The following MBD3 variants were observed in gnomAD, a reference collection of about 807,000 sequenced individuals.
MBD3 encodes methyl-CpG-binding domain protein 3.
In MBD3, 13 loss-of-function variants were observed where a neutral mutation model predicts 31.2. The ratio of observed to expected loss-of-function variants is 0.42; its 90% CI spans 0.27 to 0.66. The LOEUF is 0.66. Among genes scored for constraint, MBD3 ranks in the 30% least tolerant of loss-of-function variants. The probability of loss-of-function intolerance (pLI) is 0.26; values close to 1 mark genes in which losing one functional copy is unlikely to be tolerated. For missense variants in MBD3, 440 were observed against 426.5 expected, an observed-to-expected ratio of 1.03 and a Z score of -0.28; for synonymous variants, 223 against 187.4, an observed-to-expected ratio of 1.19 and a Z score of -1.55.
rs1323902098 is a variant in MBD3 at position 1,585,056 on chromosome 19, T to G, written c.269A>C (p.Lys90Thr). 1 of 1,611,548 alleles carries G rather than the reference T, an allele frequency of 6.2e-7. No homozygotes were observed. The highest frequency in any genetic ancestry group is 1.1e-5 in the South Asian group (1 of 91,066). The part of the protein sequence containing the change: ...RVRYDSSNQV[K>T]GKPDLNTALP... The stretch of plus-strand genomic sequence containing the variant: ...CACCTGCGTGACGCCACCACTCACC[T>G]TGACCTGGTTGGAGGAGTCGTAGCG... Residue 90 changes from lysine to threonine, a missense_variant and splice_region_variant, in exon 2 of 7, where the codon AAG (lysine) becomes ACG (threonine). Transcript: ENST00000434436. The surrounding 1 kb of genome is among the most constrained non-coding windows in gnomAD (Gnocchi z 4.1).
chr19:1,576,637 A>C lies in MBD3; in HGVS notation c.*1527T>G, dbSNP rs1917198321. 6.6e-6 allele frequency: 1 copy of C among 152,288 alleles called. No individual in the cohort carries two copies. The highest frequency in any genetic ancestry group is 2.4e-5 in the African/African-American group (1 of 41,450). The allele number at this position is 152,288 out of a possible 1,614,324, so 9.4% of individuals were successfully genotyped here. On this transcript the variant is annotated 3_prime_UTR_variant, in exon 7 of 7. Coordinates refer to ENST00000434436, the MANE Select transcript of MBD3 (RefSeq NM_001281453.2). The stretch of plus-strand genomic sequence containing the variant: ...CACCCAACCAAAGACAGAAGCTCAA[A>C]CGTGGGCACCAAAGTCTAGCGGACG...
chr19:1,584,458 C>T, intron 3 of MBD3, 82 bp downstream of exon 3: 2 of 1,584,240 alleles, frequency 1.3e-6, no homozygotes. Flanking sequence ...GTCCGCTCCA[C>T]GTACGACCTC....
In MBD3 at chr19:1,582,656, C is replaced by T; in HGVS notation, c.465G>A (p.Leu155=). ...CCTTGGGGAGGTCCATGGTCTTGAC[C>T]AGCTCCTCAGCAATGTCGAAGGCGT... ...GLNAFDIAEE[L]VKTMDLPKGL... is the part of the protein sequence containing the mutation. Residue 155 remains leucine (L), a synonymous_variant, in exon 4 of 7, where the codon CTG becomes CTA. Coordinates refer to ENST00000434436, the MANE Select transcript of MBD3 (RefSeq NM_001281453.2). 2 of 1,614,050 alleles carry T rather than the reference C, an allele frequency of 1.2e-6. No individual in the cohort carries two copies. The highest frequency in any genetic ancestry group is 1.7e-6 in the Non-Finnish European group (2 of 1,180,026).
At chr19:1,579,465 C>T (rs1196048068) in intron 5 of MBD3, among the ~76,000 whole-genome samples, 5 of 152,160 alleles carry the variant, frequency 3.3e-5, no homozygotes, top group Non-Finnish European at 5.9e-5. Flanking sequence ...GGCCGCAGCA[C>T]GTGCTTCTGC....
At chr19:1,590,979 G>T (rs1229290377) in intron 1 of MBD3, among the ~76,000 whole-genome samples, 1 of 152,206 alleles carries the variant, frequency 6.6e-6, no homozygotes, top group Non-Finnish European at 1.5e-5. Flanking sequence ...TCATGCTCAG[G>T]GCCAGGGCCC....
intron 1 of MBD3, chr19:1,586,218 G>C (rs4807934): frequency 6.6e-6 from 1 of 152,098 alleles, no homozygotes; most frequent in Non-Finnish European, 1.5e-5. Context: ...CCAGGAGCCA[G>C]AAGGTGGAAG....
In MBD3 at chr19:1,578,660, G is replaced by A; in HGVS notation, c.678-122C>T. 6.3e-7 allele frequency: 1 copy of A among 1,581,152 alleles called. No homozygotes were observed. The highest frequency in any genetic ancestry group is 8.6e-7 in the Non-Finnish European group (1 of 1,166,222). The stretch of plus-strand genomic sequence containing the variant: ...GAGGGATCCACAGGCACCCCCCCAG[G>A]ACCAGCCCTGGCCCGTGCCACCCCT... On this transcript the variant is annotated intron_variant, in intron 5 of 6. Transcript: ENST00000434436. This position sits in a 1 kb window ranked among gnomAD's most constrained non-coding sequence, Gnocchi z 6.1.
At chr19:1,584,877 C>G (rs2060670713) in intron 2 of MBD3, 178 bp downstream of exon 2, 2 of 1,069,760 alleles carry the variant, frequency 1.9e-6, no homozygotes, top group South Asian at 3.3e-5. Flanking sequence ...GGGCCGCGTC[C>G]TCGCCATGCG....
In MBD3 at chr19:1,578,538, C is replaced by T; in HGVS notation, c.678G>A (p.Arg226=). 1 of 1,612,104 alleles carries T rather than the reference C, an allele frequency of 6.2e-7. No individual in the cohort carries two copies. Among genetic ancestry groups the T allele is most frequent in the Non-Finnish European group, 8.5e-7 (1 of 1,179,912 alleles). ...CCTGCTGCACCAGCTCTTCCTGCTT[C>T]CTGGGGACACATGGACCTTGCGTTA... ...KAFMVTDEDI[R]KQEELVQQVR... is the part of the protein sequence containing the mutation. The change falls in exon 6 of 7, where the codon AGG becomes AGA. Residue 226 remains arginine (R), a splice_region_variant and synonymous_variant. Transcript: ENST00000434436. The surrounding 1 kb of genome is among the most constrained non-coding windows in gnomAD (Gnocchi z 6.1).
chr19:1,590,261 G>A (rs1322604961), intron 1 of MBD3, among the ~76,000 whole-genome samples: 1 of 152,136 alleles, frequency 6.6e-6, no homozygotes, highest in Non-Finnish European at 1.5e-5. Flanking sequence ...TTGCGTCACT[G>A]CACTGTGGCC....
chr19:1,586,928 A>G (rs2060681859), intron 1 of MBD3, among the ~76,000 whole-genome samples: 1 of 150,344 alleles, frequency 6.7e-6, no homozygotes, highest in African/African-American at 2.5e-5. Context: ...CAGCCTCCCA[A>G]AGTGCTGGGA....
chr19:1,580,946 G>T, intron 5 of MBD3, 146 bp downstream of exon 5: 2 of 1,027,120 alleles, frequency 1.9e-6, no homozygotes, highest in Non-Finnish European at 1.5e-6. Flanking sequence ...CTCCGACGAT[G>T]GGTCCCCTTG....
intron 1 of MBD3, among the ~76,000 whole-genome samples, chr19:1,589,792 C>T (rs759900574): frequency 6.6e-6 from 1 of 151,938 alleles, no homozygotes; most frequent in Non-Finnish European, 1.5e-5. Flanking sequence ...TGTGACTGCA[C>T]CACTGCACTC....
At chr19:1,583,824 TTTTTA>T (rs1274603844) in intron 3 of MBD3, among the ~76,000 whole-genome samples, 1 of 152,146 alleles carries the variant, frequency 6.6e-6, no homozygotes, top group African/African-American at 2.4e-5. Flanking sequence ...TTTAAAAATA[TTTTTA>T]TTTTATTTTT....
At chr19:1,584,716 C>G (rs752695779) in intron 2 of MBD3, 39 bp from the exon 3 acceptor site, 17 of 1,595,682 alleles carry the variant, frequency 1.1e-5, no homozygotes, top group South Asian at 2.2e-5. Flanking sequence ...CTGGGGGCGC[C>G]CCGGCGGCGC....
In MBD3 at chr19:1,578,981, C is replaced by T. The variant is rs958682215; in HGVS notation, c.678-443G>A. Among the ~76,000 whole-genome samples, 4 of 151,938 alleles carry T rather than the reference C, an allele frequency of 2.6e-5. No individual in the cohort carries two copies. The highest frequency in any genetic ancestry group is 4.4e-5 in the Non-Finnish European group (3 of 67,968). On this transcript the variant is annotated intron_variant, in intron 5 of 6. Coordinates refer to ENST00000434436, the MANE Select transcript of MBD3 (RefSeq NM_001281453.2). The surrounding 1 kb of genome is among the most constrained non-coding windows in gnomAD (Gnocchi z 6.1). ...GGCAGATCACTTGAGGTCAGGCGTT[C>T]GAGACCAGCCTGACCAACATGACGA...
rs911532048 is a variant in MBD3 at position 1,576,716 on chromosome 19, G to A, written c.*1448C>T. 7 of 152,350 alleles carry A rather than the reference G, an allele frequency of 4.6e-5. No individual in the cohort carries two copies. Among genetic ancestry groups the A allele is most frequent in the South Asian group, 2.1e-4 (1 of 4,840 alleles). The allele number at this position is 152,350 out of a possible 1,614,324, so 9.4% of individuals were successfully genotyped here. A position where few individuals can be genotyped will look rare whatever the true frequency, so the allele number is the denominator to read the frequency against. On this transcript the variant is annotated 3_prime_UTR_variant, in exon 7 of 7. Transcript: ENST00000434436. ...ACCCATGGTGGCTTTATTCAGTCAC[G>A]TCCCCACGCCCACGGCTCCCTCCAC... is the stretch of plus-strand genomic sequence containing the variant.
Position 1,585,147 on chromosome 19 carries a change from T to C in MBD3, c.178A>G (p.Ser60Gly). The C allele has an allele frequency of 1.2e-6, 2 of 1,611,144 alleles. No individual in the cohort carries two copies. The highest frequency in any genetic ancestry group is 2.7e-5 in the African/African-American group (2 of 75,014). The change falls in exon 2 of 7, where the codon AGC becomes GGC. Residue 60 changes from serine (S) to glycine (G), a missense_variant. Transcript: ENST00000434436. The surrounding 1 kb of genome is among the most constrained non-coding windows in gnomAD (Gnocchi z 4.1). ...ARYLGGSMDL[S>G]TFDFRTGKML... ...TTGCCCGTGCGGAAGTCGAAGGTGCTCAGGTCCATGGAGCCGCCCAGGTAG... is the reference window on the plus strand; with the variant it reads ...TTGCCCGTGCGGAAGTCGAAGGTGCCCAGGTCCATGGAGCCGCCCAGGTAG...
In MBD3 at chr19:1,578,372, G is replaced by GGTC; in HGVS notation, c.843_844insGAC (p.Glu281_Pro282insAsp). The GGTC allele has an allele frequency of 6.2e-7, 1 of 1,600,904 alleles. No homozygotes were observed. The highest frequency in any genetic ancestry group is 8.5e-7 in the Non-Finnish European group (1 of 1,177,900). On this transcript the variant is annotated inframe_insertion, in exon 6 of 7. Transcript: ENST00000434436. The surrounding 1 kb of genome is among the most constrained non-coding windows in gnomAD (Gnocchi z 6.1). Reference sequence around the variant, plus strand: ...TGCTCCATCTCCGGGTCCGGGTCGGGCTCCTCCTCCTCCTCCTCCTCGTCT... The same window carrying GGTC: ...TGCTCCATCTCCGGGTCCGGGTCGGGGTCCTCCTCCTCCTCCTCCTCCTCGTCT...
Sources: allele counts gnomAD v4.1 joint callset (sites outside exome capture counted in the v4.1 genomes callset), GRCh38; gene constraint gnomAD v4.1.1; non-coding constraint Gnocchi (gnomAD v3.1); transcripts MANE v1.5; gene names NCBI Gene and HGNC (gene_info 2026-07-23, HGNC 2026-07-21).